The following DNAH14 variants were observed in gnomAD, a reference collection of about 807,000 sequenced individuals.
The protein encoded by DNAH14 is dynein axonemal heavy chain 14, also known as axonemal beta dynein heavy chain 14.
In DNAH14, 478 loss-of-function variants were observed where a neutral mutation model predicts 520.9. The ratio of observed to expected loss-of-function variants is 0.92; its 90% CI spans 0.85 to 0.99. The LOEUF (loss-of-function observed/expected upper bound fraction) is 0.99. DNAH14 is among the 50% of genes least tolerant of loss of function. The pLI is 0.00. For missense variants in DNAH14, 4,831 were observed against 5,234.5 expected, an observed-to-expected ratio of 0.92 and a Z score of 2.38; for synonymous variants, 1,581 against 1,757.2, an observed-to-expected ratio of 0.90 and a Z score of 2.51.
At chr1:225,321,724 C>G (rs2094558129) in intron 61 of DNAH14, among the ~76,000 whole-genome samples, 1 of 152,158 alleles carries the variant, frequency 6.6e-6, no homozygotes, top group African/African-American at 2.4e-5. Flanking sequence ...CCTAACAGTC[C>G]AGTGGCACGT....
Position 225,266,725 on chromosome 1 carries a change from T to A in DNAH14, c.7495T>A (p.Leu2499Ile), listed in dbSNP as rs1374207066. 2 of 1,528,092 alleles carry A rather than the reference T, an allele frequency of 1.3e-6. No homozygotes were observed. The highest frequency in any genetic ancestry group is 4.6e-5 in the Admixed American group (2 of 43,078). 94.7% of individuals were successfully genotyped at this position (1,528,092 alleles called of 1,614,324 possible). The change falls in exon 49 of 86, where the codon TTA becomes ATA. Residue 2499 changes from leucine (L) to isoleucine (I), a missense_variant. By Grantham distance (5) the Leu-to-Ile change is conservative. Coordinates refer to ENST00000682510, the MANE Select transcript of DNAH14 (RefSeq NM_001367479.1). ...ACCCCTGGAATTGATAAGACAATTG[T>A]TAGATTTGGGAGGAGTTTATGATAC... ...QPPLELIRQL[L>I]DLGGVYDTEK...
rs77768739 is a variant in DNAH14 at position 225,053,864 on chromosome 1, A to G, written c.2424+2069A>G. 0.016 allele frequency among the ~76,000 whole-genome samples: 2,456 copies of G among 152,312 alleles called. 186 individuals are homozygous for G. In the East Asian group the frequency reaches 0.22, roughly 14 times the overall value. ...AAGTGTCTACACTGGAAATATATAT[A>G]TTTAAATGATCAGAAACAAGTGGTT... On this transcript the variant is annotated intron_variant, in intron 17 of 85. Coordinates refer to ENST00000682510, the MANE Select transcript of DNAH14 (RefSeq NM_001367479.1).
chr1:225,033,318 C>T (rs1441493471), intron 11 of DNAH14, among the ~76,000 whole-genome samples: 3 of 152,112 alleles, frequency 2.0e-5, no homozygotes, highest in African/African-American at 7.2e-5. Context: ...ATCTCAGCAC[C>T]ATTTATTGAA....
chr1:225,291,172 T>C (rs2093880097), intron 55 of DNAH14, among the ~76,000 whole-genome samples: 1 of 152,152 alleles, frequency 6.6e-6, no homozygotes, highest in Non-Finnish European at 1.5e-5. Flanking sequence ...AGCATAATCA[T>C]GTTGCCACAG....
Position 225,007,510 on chromosome 1 carries a change from A to C in DNAH14, c.1073A>C (p.Lys358Thr), listed in dbSNP as rs2064271693. ...AAACAACTTGAGGACATCAGGAATA[A>C]AGCAATTTCAGAGATGAAAAGTACT... ...ALKQLEDIRN[K>T]AISEMKSTFL... Residue 358 changes from lysine (K) to threonine (T), a missense_variant, in exon 10 of 86, where the codon AAA (lysine) becomes ACA (threonine). Physicochemically the swap from Lys to Thr is moderately conservative, Grantham distance 78. Coordinates refer to ENST00000682510, the MANE Select transcript of DNAH14 (RefSeq NM_001367479.1). 2 of 1,537,834 alleles carry C rather than the reference A, an allele frequency of 1.3e-6. No individual in the cohort carries two copies. Among genetic ancestry groups the C allele is most frequent in the East Asian group, 2.5e-5 (1 of 40,238 alleles).
At chr1:225,216,049 A>G (rs962734804) in intron 41 of DNAH14, among the ~76,000 whole-genome samples, 5 of 152,092 alleles carry the variant, frequency 3.3e-5, no homozygotes, top group Admixed American at 6.5e-5. Flanking sequence ...GTTCCTTTCC[A>G]TGTTTAGTGC....
chr1:225,298,374 G>A (rs955496554), intron 55 of DNAH14, among the ~76,000 whole-genome samples: 37 of 152,154 alleles, frequency 2.4e-4, no homozygotes, highest in Middle Eastern at 3.2e-3. Flanking sequence ...ATGGCTCTGG[G>A]ACCCCTCCTG....
Position 225,080,380 on chromosome 1 carries a change from T to A in DNAH14, c.2768T>A (p.Ile923Lys). The A allele has an allele frequency of 6.6e-7, 1 of 1,519,146 alleles. No individual in the cohort carries two copies. The highest frequency in any genetic ancestry group is 8.8e-7 in the Non-Finnish European group (1 of 1,133,162). 94.1% of individuals were successfully genotyped at this position (1,519,146 alleles called of 1,614,324 possible). ...HVDVGNLKAKIRTPLLLCAGT... is the reference protein window; with the variant it reads ...HVDVGNLKAKKRTPLLLCAGT... ...GAAAGTCCTACTCTTATTTTTTAGA[T>A]AAGAACTCCTCTTCTGTTATGTGCT... Residue 923 changes from isoleucine (I) to lysine (K), a missense_variant and splice_region_variant, in exon 19 of 86, where the codon ATA (isoleucine) becomes AAA (lysine). By Grantham distance (102) the Ile-to-Lys change is moderately radical. Transcript: ENST00000682510.
At chr1:225,202,473 G>A (rs1392254462) in intron 38 of DNAH14, among the ~76,000 whole-genome samples, 2 of 152,192 alleles carry the variant, frequency 1.3e-5, no homozygotes, top group African/African-American at 2.4e-5. Flanking sequence ...GGAAGTGGGG[G>A]AAAGCCAGCA....
At chr1:224,938,318 A>AAT (rs1277344112) in intron 1 of DNAH14, among the ~76,000 whole-genome samples, 1 of 150,714 alleles carries the variant, frequency 6.6e-6, no homozygotes, top group Non-Finnish European at 1.5e-5. Context: ...TAATAACCAG[A>AAT]ATATATAAGG....
chr1:225,154,928 T>C (rs573642706), intron 34 of DNAH14, among the ~76,000 whole-genome samples: 64 of 152,032 alleles, frequency 4.2e-4, no homozygotes, highest in African/African-American at 1.5e-3. Flanking sequence ...TATATAAAGA[T>C]TTTCTAGACA....
chr1:224,938,252 T>C (rs1037591601), intron 1 of DNAH14, among the ~76,000 whole-genome samples: 2 of 152,094 alleles, frequency 1.3e-5, no homozygotes, highest in African/African-American at 2.4e-5. Flanking sequence ...ACAGAGTGAA[T>C]AGACAATCTA....
chr1:225,019,198 T>C (rs935269805), intron 10 of DNAH14, among the ~76,000 whole-genome samples: 4 of 151,738 alleles, frequency 2.6e-5, no homozygotes, highest in South Asian at 2.1e-4. Flanking sequence ...ACAACACCCA[T>C]AGACTCAAAG....
chr1:225,020,322 CCT>C (rs2065565827), intron 10 of DNAH14, among the ~76,000 whole-genome samples: 1 of 151,684 alleles, frequency 6.6e-6, no homozygotes, highest in Non-Finnish European at 1.5e-5. Context: ...CATGGTGAAA[CCT>C]CATCTCTATT....
chr1:225,335,921 G>A (rs1213561058), intron 66 of DNAH14, among the ~76,000 whole-genome samples: 10 of 121,812 alleles, frequency 8.2e-5, no homozygotes, highest in South Asian at 7.4e-4. Context: ...ATGTATATAT[G>A]CACATATACC....
At chr1:225,201,787 T>C (rs934578995) in intron 38 of DNAH14, among the ~76,000 whole-genome samples, 1 of 152,040 alleles carries the variant, frequency 6.6e-6, no homozygotes, top group Non-Finnish European at 1.5e-5. Flanking sequence ...TAAAATGGAC[T>C]CTGTACGGGT....
At position 225,210,279 on chromosome 1, in the gene DNAH14, A is replaced by G. The variant is rs1016552162; in HGVS notation, c.6439+3059A>G. ...CCAATGGCTTGAAATTCTTGCTGCCAGCACAGCAGTATGAAGTTTACCTGG... is the reference window on the plus strand; with the variant it reads ...CCAATGGCTTGAAATTCTTGCTGCCGGCACAGCAGTATGAAGTTTACCTGG... On this transcript the variant is annotated intron_variant, in intron 41 of 85. Transcript: ENST00000682510. Among the ~76,000 whole-genome samples the G allele has an allele frequency of 2.2e-4, 33 of 152,290 alleles. 1 individual carries two copies. The highest frequency in any genetic ancestry group is 6.2e-4 in the South Asian group (3 of 4,820).
chr1:225,007,618 C>A, intron 10 of DNAH14, 74 bp downstream of exon 10: 2 of 1,234,408 alleles, frequency 1.6e-6, no homozygotes, highest in Non-Finnish European at 2.2e-6. Flanking sequence ...AATTGCATCC[C>A]TGGAAAAAGT....
intron 1 of DNAH14, among the ~76,000 whole-genome samples, chr1:224,942,072 G>A (rs1369350876): frequency 6.6e-6 from 1 of 152,080 alleles, no homozygotes; most frequent in African/African-American, 2.4e-5. Context: ...GATGGGGATG[G>A]CATTGAATCT....
Sources: allele counts gnomAD v4.1 joint callset (sites outside exome capture counted in the v4.1 genomes callset), GRCh38; gene constraint gnomAD v4.1.1; transcripts MANE v1.5; gene names NCBI Gene and HGNC (gene_info 2026-07-23, HGNC 2026-07-21).